Variants in CD180 observed in about 807,000 individuals in gnomAD.
The protein encoded by CD180 is CD180 antigen.
CD180 carries 11 observed loss-of-function variants against 10.7 expected under a neutral mutation model. The observed-to-expected ratio is 1.03, with a 90% CI of 0.65 to 1.70. The LOEUF is 1.70. Ranked by LOEUF, CD180 falls within the 40% of genes most tolerant of loss-of-function variation. The pLI, the probability that CD180 is intolerant of heterozygous loss-of-function variation, is 0.00. For synonymous variants in CD180, 286 were observed against 294.6 expected (o/e 0.97, Z 0.30); for missense variants, 729 against 775.2 (o/e 0.94, Z 0.71).
chr5:67,184,361 A>C lies in CD180; in HGVS notation c.482T>G (p.Ile161Ser), dbSNP rs199888058. The part of the protein sequence containing the change: ...LESLYLGSNH[I>S]SSIKFPKDFP... ...GTCTTTGGGGAACTTAATGGAGGAAATATGGTTGCTTCCAAGATACAAGCT... is the reference window on the plus strand; with the variant it reads ...GTCTTTGGGGAACTTAATGGAGGAACTATGGTTGCTTCCAAGATACAAGCT... The change falls in exon 3 of 3, where the codon ATT becomes AGT. Residue 161 changes from isoleucine to serine, a missense_variant. Transcript: ENST00000256447. 10 of 1,614,138 alleles carry C rather than the reference A, an allele frequency of 6.2e-6. No homozygotes were observed. Among genetic ancestry groups the C allele is most frequent in the Non-Finnish European group, 8.5e-6 (10 of 1,179,956 alleles).
intron 1 of CD180, among the ~76,000 whole-genome samples, chr5:67,187,085 T>C (rs1742211130): frequency 6.6e-6 from 1 of 152,224 alleles, no homozygotes; most frequent in Non-Finnish European, 1.5e-5. Flanking sequence ...TAAGGAATTC[T>C]GGATTTTGTA....
Position 67,185,912 on chromosome 5 carries a change from G to A in CD180, c.196C>T (p.Pro66Ser). 6.2e-7 allele frequency: 1 copy of A among 1,611,140 alleles called. No homozygotes were observed. The highest frequency in any genetic ancestry group is 8.5e-7 in the Non-Finnish European group (1 of 1,178,316). The change falls in exon 2 of 3, where the codon CCT becomes TCT. Residue 66 changes from proline to serine, a missense_variant. By Grantham distance (74) the Pro-to-Ser change is moderately conservative (BLOSUM62 -1). Coordinates refer to ENST00000256447, the MANE Select transcript of CD180 (RefSeq NM_005582.3). ...CTGAAGGTTCTATTGTGAATTGTAGGCAAAAAATTAAAGCTGAATTCCAAA... is the reference window on the plus strand; with the variant it reads ...CTGAAGGTTCTATTGTGAATTGTAGACAAAAAATTAAAGCTGAATTCCAAA... ...EFLEFSFNFL[P>S]TIHNRTFSRL... is the part of the protein sequence containing the mutation.
At position 67,184,177 on chromosome 5, in the gene CD180, C is replaced by T. The variant is rs2230521; in HGVS notation, c.666G>A (p.Thr222=). The T allele has an allele frequency of 5.4e-4, 864 of 1,614,032 alleles. 4 individuals carry two copies. In the African/African-American group the frequency reaches 9.1e-3, roughly 17 times the overall value. ...CTCCAAAGTTCAAACTTTGGAAGAT[C>T]GTTGAATCAAAAGCCCCAAGCTCAA... The part of the protein sequence containing the change: ...KGIELGAFDS[T]IFQSLNFGGT... Residue 222 remains threonine, a synonymous_variant, in exon 3 of 3, where the codon ACG becomes ACA. Transcript: ENST00000256447.
At chr5:67,193,654 T>C (rs144360916) in intron 1 of CD180, among the ~76,000 whole-genome samples, 31 of 152,304 alleles carry the variant, frequency 2.0e-4, no homozygotes, top group African/African-American at 7.5e-4. Context: ...TGTTGTTGTA[T>C]TGGAAGGTTT....
chr5:67,187,528 C>G (rs1299579882), intron 1 of CD180, among the ~76,000 whole-genome samples: 1 of 152,114 alleles, frequency 6.6e-6, no homozygotes, highest in Non-Finnish European at 1.5e-5. Flanking sequence ...CAATCATGTC[C>G]TAATACAAGT....
At chr5:67,190,943 A>G (rs1418980673) in intron 1 of CD180, 3 of 985,056 alleles carry the variant, frequency 3.0e-6, no homozygotes, top group Non-Finnish European at 3.6e-6. Context: ...ACCTTTTCGG[A>G]TTTCTCATCT....
intron 1 of CD180, among the ~76,000 whole-genome samples, chr5:67,186,873 T>TGTGTGTGTGTGTGTGTGA (rs772303459): frequency 2.2e-4 from 31 of 139,804 alleles, no homozygotes; most frequent in African/African-American, 8.6e-4. Context: ...TGTGTGTGTG[T>TGTGTGTGTGTGTGTGTGA]GAAAGAGAGA....
Position 67,184,200 on chromosome 5 carries a change from CAA to C in CD180, c.641_642del (p.Ile214ArgfsTer6), listed in dbSNP as rs1291758292. 5.0e-6 allele frequency: 8 copies of C among 1,614,014 alleles called. No homozygotes were observed. Among genetic ancestry groups the C allele is most frequent in the Non-Finnish European group, 5.9e-6 (7 of 1,180,048 alleles). The part of the protein sequence containing the change: ...LNFNGNNVKG[I>X]ELGAFDSTIF... The stretch of plus-strand genomic sequence containing the variant: ...ATCGTTGAATCAAAAGCCCCAAGCT[CAA>C]TACCTTTAACATTATTGCCATTGAA... On this transcript the variant is annotated frameshift_variant, in exon 3 of 3. Coordinates refer to ENST00000256447, the MANE Select transcript of CD180 (RefSeq NM_005582.3). LOFTEE classifies it low-confidence loss of function (END_TRUNC).
chr5:67,188,618 C>T (rs1742246321), intron 1 of CD180, among the ~76,000 whole-genome samples: 1 of 152,216 alleles, frequency 6.6e-6, no homozygotes, highest in African/African-American at 2.4e-5. Flanking sequence ...AACAGATCTG[C>T]TTAGTGAGAA....
chr5:67,191,046 G>C (rs1019802473), intron 1 of CD180: 2 of 985,342 alleles, frequency 2.0e-6, no homozygotes, highest in East Asian at 2.3e-4. Flanking sequence ...CTCCATCCAA[G>C]ATAGAGCAAG....
At chr5:67,196,346 T>C (rs1742403648) in intron 1 of CD180, among the ~76,000 whole-genome samples, 2 of 152,190 alleles carry the variant, frequency 1.3e-5, no homozygotes, top group Non-Finnish European at 2.9e-5. Flanking sequence ...AAAATTCTCT[T>C]TGCTTCCTAT....
chr5:67,196,509 T>C, intron 1 of CD180, 43 bp downstream of exon 1: 1 of 1,606,984 alleles, frequency 6.2e-7, no homozygotes, highest in Admixed American at 1.7e-5. Flanking sequence ...CTCAAAATTT[T>C]CAGACAGTTT....
At chr5:67,196,509 T>G in intron 1 of CD180, 43 bp downstream of exon 1, 1 of 1,606,984 alleles carries the variant, frequency 6.2e-7, no homozygotes, top group African/African-American at 1.3e-5. Context: ...CTCAAAATTT[T>G]CAGACAGTTT....
chr5:67,195,758 G>A (rs578132422), intron 1 of CD180, among the ~76,000 whole-genome samples: 2 of 152,236 alleles, frequency 1.3e-5, no homozygotes, highest in South Asian at 2.1e-4. Flanking sequence ...GCTATTCCTG[G>A]CTCTTACTCT....
chr5:67,186,035 G>A lies in CD180; in HGVS notation c.91-18C>T, dbSNP rs772588295. The A allele has an allele frequency of 6.7e-7, 1 of 1,497,014 alleles. No individual in the cohort carries two copies. Among genetic ancestry groups the A allele is most frequent in the Non-Finnish European group, 9.1e-7 (1 of 1,102,820 alleles). The allele number at this position is 1,497,014 out of a possible 1,614,324, so 92.7% of individuals were successfully genotyped here. On this transcript the variant is annotated intron_variant, in intron 1 of 2. Coordinates refer to ENST00000256447, the MANE Select transcript of CD180 (RefSeq NM_005582.3). The stretch of plus-strand genomic sequence containing the variant: ...GCTTCTTTCTGATGGGAGAAACAAA[G>A]TAAATTAATATTAGACTTAATAATT...
Position 67,182,169 on chromosome 5 carries a change from T to C in CD180, c.*688A>G, listed in dbSNP as rs1458985353. ...GCAAATGTGGAAGAAATTCTAAACCTTGGGGGTGGGTTCTATTTTTTATAG... is the reference window on the plus strand; with the variant it reads ...GCAAATGTGGAAGAAATTCTAAACCCTGGGGGTGGGTTCTATTTTTTATAG... On this transcript the variant is annotated 3_prime_UTR_variant, in exon 3 of 3. Transcript: ENST00000256447. The C allele has an allele frequency of 1.6e-4, 24 of 152,172 alleles. No homozygotes were observed. Among genetic ancestry groups the C allele is most frequent in the South Asian group, 2.1e-4 (1 of 4,826 alleles). The allele number at this position is 152,172 out of a possible 1,614,324, so 9.4% of individuals were successfully genotyped here.
chr5:67,190,197 A>G (rs1418037734), intron 1 of CD180, among the ~76,000 whole-genome samples: 1 of 152,154 alleles, frequency 6.6e-6, no homozygotes, highest in East Asian at 1.9e-4. Context: ...CTGGTTACAC[A>G]TTTTTGGTAG....
chr5:67,183,439 T>C lies in CD180; in HGVS notation c.1404A>G (p.Leu468=), dbSNP rs1397394634. The C allele has an allele frequency of 2.5e-6, 4 of 1,614,088 alleles. No homozygotes were observed. The highest frequency in any genetic ancestry group is 1.7e-5 in the Admixed American group (1 of 59,996). ...TTAAGTTGAGATGCCGGAGAACTGG[T>C]AGGCCTGCTAGAAGATGCTGATTGC... The part of the protein sequence containing the change: ...DTSNQHLLAG[L]PVLRHLNLKG... Residue 468 remains leucine, a synonymous_variant, in exon 3 of 3, where the codon CTA becomes CTG. Transcript: ENST00000256447.
chr5:67,187,072 T>C (rs896053544), intron 1 of CD180, among the ~76,000 whole-genome samples: 2 of 152,224 alleles, frequency 1.3e-5, no homozygotes, highest in African/African-American at 4.8e-5. Context: ...TATTCAATGA[T>C]ATTAAGGAAT....
Sources: allele counts gnomAD v4.1 joint callset (sites outside exome capture counted in the v4.1 genomes callset), GRCh38; gene constraint gnomAD v4.1.1; transcripts MANE v1.5; gene names NCBI Gene and HGNC (gene_info 2026-07-23, HGNC 2026-07-21).